The following CCDC149 variants were observed in gnomAD, a reference collection of about 807,000 sequenced individuals.
CCDC149 encodes the protein coiled-coil domain containing 149, also known as coiled-coil domain-containing protein 149.
In CCDC149, 45 loss-of-function variants were observed where a neutral mutation model predicts 59.9. The observed-to-expected ratio is 0.75, with a 90% CI of 0.59 to 0.96. The LOEUF (loss-of-function observed/expected upper bound fraction) is 0.96, where lower values mean the gene tolerates loss of function less well. CCDC149 is among the 40% of genes least tolerant of loss of function. The pLI, the probability that CCDC149 is intolerant of heterozygous loss-of-function variation, is 0.00. For missense variants in CCDC149, 584 were observed against 664.7 expected (o/e 0.88, Z 1.33); for synonymous variants, 245 against 260.6 (o/e 0.94, Z 0.58).
At chr4:24,873,419 G>A (rs184062682) in intron 3 of CCDC149, among the ~76,000 whole-genome samples, 115 of 152,314 alleles carry the variant, frequency 7.6e-4, no homozygotes, top group Admixed American at 5.2e-3. Context: ...GTAACCATGT[G>A]CCCTCAACTC....
intron 1 of CCDC149, among the ~76,000 whole-genome samples, chr4:24,881,292 CT>C (rs1719828436): frequency 6.6e-6 from 1 of 152,184 alleles, no homozygotes; most frequent in Non-Finnish European, 1.5e-5. Flanking sequence ...ATCCCCATTG[CT>C]TTTGGGTAAA....
chr4:24,954,264 C>T (rs1723398967), intron 1 of CCDC149, among the ~76,000 whole-genome samples: 1 of 152,088 alleles, frequency 6.6e-6, no homozygotes, highest in African/African-American at 2.4e-5. Context: ...ACAGCCCAGG[C>T]TTCATGCATT....
At chr4:24,864,323 T>C (rs990877748) in intron 3 of CCDC149, among the ~76,000 whole-genome samples, 2 of 152,218 alleles carry the variant, frequency 1.3e-5, no homozygotes, top group Non-Finnish European at 2.9e-5. Context: ...TAATTATTCC[T>C]GCTAATAATG....
At chr4:24,938,899 G>T (rs1267484138) in intron 1 of CCDC149, among the ~76,000 whole-genome samples, 1 of 152,254 alleles carries the variant, frequency 6.6e-6, no homozygotes, top group African/African-American at 2.4e-5. Context: ...CGGCCGGGAA[G>T]CTTGAACTGG....
rs533157090 is a variant in CCDC149, at chr4:24,906,452, A to G, written c.63+6365T>C. On this transcript the variant is annotated intron_variant, in intron 1 of 12. Coordinates refer to ENST00000635206, the MANE Select transcript of CCDC149 (RefSeq NM_001330643.2). ...GTTTCACTCTTGTCACCCAGGCAGGAGTGCAGTGGCACGATCTTGGCTCAC... is the reference window on the plus strand; with the variant it reads ...GTTTCACTCTTGTCACCCAGGCAGGGGTGCAGTGGCACGATCTTGGCTCAC... Among the ~76,000 whole-genome samples the G allele has an allele frequency of 4.2e-5, 4 of 95,082 alleles. No individual in the cohort carries two copies. The Admixed American group carries it at 4.6e-4, about 11-fold the overall frequency. The allele number at this position is 95,082 out of a possible 152,430, so 62.4% of individuals were successfully genotyped here. A position where few individuals can be genotyped will look rare whatever the true frequency, so the allele number is the denominator to read the frequency against.
intron 1 of CCDC149, among the ~76,000 whole-genome samples, chr4:24,961,994 A>T (rs1488203638): frequency 6.6e-6 from 1 of 151,488 alleles, no homozygotes; most frequent in Non-Finnish European, 1.5e-5. Context: ...TCTGCACAGC[A>T]AAAGAAACCA....
chr4:24,831,550 G>T lies in CCDC149; in HGVS notation c.921C>A (p.Ile307=), dbSNP rs1716150740. Residue 307 remains isoleucine (I), a synonymous_variant, in exon 9 of 13, where the codon ATC becomes ATA. Coordinates refer to ENST00000635206, the MANE Select transcript of CCDC149 (RefSeq NM_001330643.2). Reference sequence around the variant, plus strand: ...GCTGAATGACCATGTTTTTCTCGTGGATTGTTTCCAACAGGGCTGTTGCCA... The same window carrying T: ...GCTGAATGACCATGTTTTTCTCGTGTATTGTTTCCAACAGGGCTGTTGCCA... 3 of 1,614,056 alleles carry T rather than the reference G, an allele frequency of 1.9e-6. No homozygotes were observed. The East Asian group carries it at 6.7e-5, about 36-fold the overall frequency.
At chr4:24,954,797 T>C (rs1723415435) in intron 1 of CCDC149, among the ~76,000 whole-genome samples, 1 of 152,216 alleles carries the variant, frequency 6.6e-6, no homozygotes, top group African/African-American at 2.4e-5. Flanking sequence ...ATTCTCCCAC[T>C]GTCTTGATGA....
chr4:24,844,771 C>CAAAATAAAAT lies in CCDC149; in HGVS notation c.373-6509_373-6500dup, dbSNP rs567966193. On this transcript the variant is annotated intron_variant, in intron 4 of 12. Coordinates refer to ENST00000635206, the MANE Select transcript of CCDC149 (RefSeq NM_001330643.2). Reference sequence around the variant, plus strand: ...TGGATGACAGGGCGAGACTCCATCTCAAAATAAAATAAAATAAAATAAAAT... The same window carrying CAAAATAAAAT: ...TGGATGACAGGGCGAGACTCCATCTCAAAATAAAATAAAATAAAATAAAATAAAATAAAAT... Among the ~76,000 whole-genome samples the CAAAATAAAAT allele has an allele frequency of 5.3e-5, 8 of 151,704 alleles. No homozygotes were observed. The South Asian group carries it at 1.0e-3, about 20-fold the overall frequency.
In CCDC149 at chr4:24,912,868, CT is replaced by C; in HGVS notation, c.11del (p.Glu4GlyfsTer3). 1 of 1,373,408 alleles carries C rather than the reference CT, an allele frequency of 7.3e-7. No individual in the cohort carries two copies. The highest frequency in any genetic ancestry group is 9.5e-7 in the Non-Finnish European group (1 of 1,048,530). The allele number at this position is 1,373,408 out of a possible 1,614,324, so 85.1% of individuals were successfully genotyped here. ...TCTCAGTCCGGTCGCCGTTCATGGC[CT>C]CCTCCTCCATGCGCTGGCCGGCCTC... is the stretch of plus-strand genomic sequence containing the variant. On this transcript the variant is annotated frameshift_variant, in exon 1 of 13. Transcript: ENST00000635206. LOFTEE classifies it high-confidence loss of function.
At chr4:24,901,082 A>G (rs1721141571) in intron 1 of CCDC149, among the ~76,000 whole-genome samples, 1 of 152,246 alleles carries the variant, frequency 6.6e-6, no homozygotes, top group Non-Finnish European at 1.5e-5. Context: ...CAGAGGATAA[A>G]CTGACTTGAA....
intron 1 of CCDC149, among the ~76,000 whole-genome samples, chr4:24,891,685 G>A (rs1170632027): frequency 6.6e-6 from 1 of 152,172 alleles, no homozygotes; most frequent in African/African-American, 2.4e-5. Context: ...TAAGCTCGAG[G>A]TTTGGGCATC....
intron 1 of CCDC149, among the ~76,000 whole-genome samples, chr4:24,926,530 C>CTACA (rs1340874583): frequency 7.2e-5 from 11 of 152,192 alleles, no homozygotes; most frequent in African/African-American, 2.7e-4. Flanking sequence ...AGTGCTAATA[C>CTACA]TACATGTTTC....
At chr4:24,887,327 T>C (rs1720244468) in intron 1 of CCDC149, among the ~76,000 whole-genome samples, 1 of 152,018 alleles carries the variant, frequency 6.6e-6, no homozygotes, top group Non-Finnish European at 1.5e-5. Flanking sequence ...TGCCAAAGAC[T>C]CCTGGTCCTT....
At position 24,831,553 on chromosome 4, in the gene CCDC149, T is replaced by C. The variant is rs770596258; in HGVS notation, c.918A>G (p.Thr306=). Residue 306 remains threonine, a synonymous_variant, in exon 9 of 13, where the codon ACA becomes ACG. Coordinates refer to ENST00000635206, the MANE Select transcript of CCDC149 (RefSeq NM_001330643.2). ...GAATGACCATGTTTTTCTCGTGGAT[T>C]GTTTCCAACAGGGCTGTTGCCAGAG... The C allele has an allele frequency of 1.2e-6, 2 of 1,614,132 alleles. No individual in the cohort carries two copies. Among genetic ancestry groups the C allele is most frequent in the Non-Finnish European group, 1.7e-6 (2 of 1,180,010 alleles).
intron 1 of CCDC149, among the ~76,000 whole-genome samples, chr4:24,924,668 C>G (rs531034352): frequency 6.6e-6 from 1 of 152,176 alleles, no homozygotes; most frequent in African/African-American, 2.4e-5. Flanking sequence ...TTTCTCATGG[C>G]GCCATGGAGT....
chr4:24,909,080 G>A (rs1482723448), intron 1 of CCDC149, among the ~76,000 whole-genome samples: 3 of 152,206 alleles, frequency 2.0e-5, no homozygotes, highest in African/African-American at 7.2e-5. Flanking sequence ...TTTACTTCCA[G>A]GCCTGAAAGA....
chr4:24,855,928 C>G lies in CCDC149; in HGVS notation c.265-2749G>C, dbSNP rs115337247. On this transcript the variant is annotated intron_variant, in intron 3 of 12. Coordinates refer to ENST00000635206, the MANE Select transcript of CCDC149 (RefSeq NM_001330643.2). ...GGCTGCATTCTGATCATGCCACTTC[C>G]TGGGTTGGGTGACATGACAGGAGTT... is the stretch of plus-strand genomic sequence containing the variant. Among the ~76,000 whole-genome samples, 467 of 152,344 alleles carry G rather than the reference C, an allele frequency of 3.1e-3. 3 individuals are homozygous for G. The highest frequency in any genetic ancestry group is 0.01 in the African/African-American group (433 of 41,582).
At chr4:24,943,746 G>C (rs1723017924) in intron 1 of CCDC149, among the ~76,000 whole-genome samples, 1 of 152,094 alleles carries the variant, frequency 6.6e-6, no homozygotes, top group Admixed American at 6.5e-5. Context: ...TCAAAAAGTG[G>C]GCAAAGGATA....
Sources: allele counts gnomAD v4.1 joint callset (sites outside exome capture counted in the v4.1 genomes callset), GRCh38; gene constraint gnomAD v4.1.1; transcripts MANE v1.5; gene names NCBI Gene and HGNC (gene_info 2026-07-23, HGNC 2026-07-21).